TSPAN4: variants seen among roughly 807,000 people sequenced by gnomAD.
The protein encoded by TSPAN4 is tetraspanin-4.
Under a neutral mutation model 31.5 loss-of-function variants are expected in TSPAN4, and 38 were observed. The ratio of observed to expected loss-of-function variants is 1.21; its 90% CI spans 0.93 to 1.58. The LOEUF (loss-of-function observed/expected upper bound fraction) is 1.58. Among genes scored for constraint, TSPAN4 ranks in the 40% most tolerant of loss-of-function variants. The pLI is 0.00. For synonymous variants in TSPAN4, 186 were observed against 144.6 expected, an observed-to-expected ratio of 1.29 and a Z score of -2.06; for missense variants, 330 against 317.3, an observed-to-expected ratio of 1.04 and a Z score of -0.30.
intron 5 of TSPAN4, chr11:864,741 GAGGGTGCGCCCC>G (rs1165071534): frequency 4.8e-5 from 29 of 600,362 alleles, no homozygotes; most frequent in African/African-American, 1.1e-4. Context: ...ACCCCACCCG[GAGGGTGCGCCCC>G]AGGTTGTCCC....
At chr11:858,247 C>T (rs1300936802) in intron 3 of TSPAN4, 1 of 152,788 alleles carries the variant, frequency 6.5e-6, no homozygotes, top group African/African-American at 2.4e-5. Context: ...GCGCCGCGTT[C>T]ACAGTCAGCA....
chr11:844,544 C>T (rs1847187164), intron 1 of TSPAN4: 1 of 152,040 alleles, frequency 6.6e-6, no homozygotes, highest in African/African-American at 2.4e-5. Context: ...CCCGACTGGG[C>T]TCTACCTGAG....
At chr11:851,459 CT>C (rs1275543430) in intron 3 of TSPAN4, among the ~76,000 whole-genome samples, 1 of 152,220 alleles carries the variant, frequency 6.6e-6, no homozygotes, top group Non-Finnish European at 1.5e-5. Flanking sequence ...CTGGGTCTGC[CT>C]TCCCACCTCT....
Position 865,523 on chromosome 11 carries a change from A to G in TSPAN4, c.341A>G (p.Tyr114Cys). 1 of 1,611,306 alleles carries G rather than the reference A, an allele frequency of 6.2e-7. No individual in the cohort carries two copies. Among genetic ancestry groups the G allele is most frequent in the Non-Finnish European group, 8.5e-7 (1 of 1,179,652 alleles). Residue 114 changes from tyrosine to cysteine, a missense_variant, in exon 6 of 9, where the codon TAT becomes TGT. Transcript: ENST00000397397. ...CCCCCGCACCCCCAGATTGACAGGT[A>G]TGCCCAGCAAGACCTGAAGAAAGGC... ...FFAYTDKIDR[Y>C]AQQDLKKGLH...
chr11:850,663 G>A (rs536555407), intron 3 of TSPAN4, among the ~76,000 whole-genome samples: 68 of 152,324 alleles, frequency 4.5e-4, no homozygotes, highest in African/African-American at 1.6e-3. Flanking sequence ...CGTTGCACAC[G>A]TGCGCGCCGG....
At chr11:844,545 T>G (rs1282591945) in intron 1 of TSPAN4, 2 of 151,970 alleles carry the variant, frequency 1.3e-5, no homozygotes, top group African/African-American at 4.8e-5. Flanking sequence ...CCGACTGGGC[T>G]CTACCTGAGG....
At chr11:850,216 C>G (rs987248702) in intron 2 of TSPAN4, 72 bp from the exon 3 acceptor site, 2 of 1,299,670 alleles carry the variant, frequency 1.5e-6, no homozygotes, top group Admixed American at 4.3e-5. Flanking sequence ...GCGGCCCAGG[C>G]GCGCTACACG....
intron 3 of TSPAN4, among the ~76,000 whole-genome samples, chr11:861,575 G>A (rs1473138472): frequency 6.6e-6 from 1 of 152,178 alleles, no homozygotes; most frequent in Non-Finnish European, 1.5e-5. Flanking sequence ...AGCTGGGCGT[G>A]GTGGCGGGCG....
intron 3 of TSPAN4, among the ~76,000 whole-genome samples, chr11:850,616 C>T (rs1015325606): frequency 1.3e-5 from 2 of 150,836 alleles, no homozygotes; most frequent in East Asian, 3.9e-4. Flanking sequence ...GGTCCCCTCT[C>T]CTCTCCTCTC....
At chr11:846,805 G>A (rs1331085476) in intron 1 of TSPAN4, among the ~76,000 whole-genome samples, 2 of 152,182 alleles carry the variant, frequency 1.3e-5, no homozygotes, top group African/African-American at 2.4e-5. Context: ...AGGACCCCAG[G>A]GAGGAGGCAC....
At chr11:852,535 G>A (rs1202943179) in intron 3 of TSPAN4, among the ~76,000 whole-genome samples, 1 of 152,238 alleles carries the variant, frequency 6.6e-6, no homozygotes, top group African/African-American at 2.4e-5. Flanking sequence ...TAAGGGTGGG[G>A]GCGGGGCAGG....
intron 3 of TSPAN4, among the ~76,000 whole-genome samples, chr11:860,964 G>A (rs775767598): frequency 3.9e-5 from 6 of 152,186 alleles, no homozygotes; most frequent in Non-Finnish European, 5.9e-5. Flanking sequence ...CAGACCGGGA[G>A]CTGGTCAGCA....
In TSPAN4 at chr11:850,627, C is replaced by T. The variant is rs564452336; in HGVS notation, c.63+260C>T. ...CCCTGGTCCCCTCTCCTCTCCTCTC[C>T]TCTCCTCACTTGATGAGACGGGACA... On this transcript the variant is annotated intron_variant, in intron 3 of 8. Coordinates refer to ENST00000397397, the MANE Select transcript of TSPAN4 (RefSeq NM_003271.5). Among the ~76,000 whole-genome samples, 10 of 152,340 alleles carry T rather than the reference C, an allele frequency of 6.6e-5. No homozygotes were observed. In the South Asian group the frequency reaches 1.4e-3, roughly 22 times the overall value.
intron 1 of TSPAN4, among the ~76,000 whole-genome samples, chr11:845,885 G>A (rs1847293877): frequency 6.6e-6 from 1 of 152,084 alleles, no homozygotes; most frequent in Non-Finnish European, 1.5e-5. Context: ...GGTGGGAGGG[G>A]CCTGGTCCCA....
intron 3 of TSPAN4, chr11:857,279 C>T (rs1435130159): frequency 1.3e-5 from 2 of 152,254 alleles, no homozygotes; most frequent in African/African-American, 4.8e-5. Flanking sequence ...CTGCACATGT[C>T]CTCCCTGTGT....
chr11:857,238 GT>G (rs912947770), intron 3 of TSPAN4: 1 of 152,230 alleles, frequency 6.6e-6, no homozygotes, highest in African/African-American at 2.4e-5. Context: ...ATGGAACGGG[GT>G]TTCCCACACC....
chr11:866,382 C>T (rs1441943091), intron 8 of TSPAN4, among the ~76,000 whole-genome samples, 180 bp from the exon 9 acceptor site: 3 of 151,476 alleles, frequency 2.0e-5, no homozygotes, highest in Non-Finnish European at 2.9e-5. Context: ...TGCTGTGGCT[C>T]GAGCCACAGG....
In TSPAN4 at chr11:866,564, C is replaced by T. The variant is rs764814964; in HGVS notation, c.651C>T (p.Ile217=). ...CAGTCCTCCTCCCCTACCTACAGAT[C>T]CTGGGCCTGACCTTCGCCATGACCA... ...IFGLCTALVQ[I]LGLTFAMTMY... Residue 217 remains isoleucine (I), a splice_region_variant and synonymous_variant, in exon 9 of 9, where the codon ATC becomes ATT. Coordinates refer to ENST00000397397, the MANE Select transcript of TSPAN4 (RefSeq NM_003271.5). The T allele has an allele frequency of 6.2e-7, 1 of 1,613,352 alleles. No homozygotes were observed. The highest frequency in any genetic ancestry group is 1.7e-5 in the Admixed American group (1 of 59,978).
intron 3 of TSPAN4, chr11:857,339 C>T (rs1848108936): frequency 1.3e-5 from 2 of 151,322 alleles, no homozygotes; most frequent in Non-Finnish European, 2.9e-5. Context: ...AGCTCATTTT[C>T]CTGATGACAG....
Sources: allele counts gnomAD v4.1 joint callset (sites outside exome capture counted in the v4.1 genomes callset), GRCh38; gene constraint gnomAD v4.1.1; transcripts MANE v1.5; gene names NCBI Gene and HGNC (gene_info 2026-07-23, HGNC 2026-07-21).